SPATS2: variants seen among roughly 807,000 people sequenced by gnomAD.
SPATS2 encodes spermatogenesis associated serine rich 2.
Under a neutral mutation model 63.7 loss-of-function variants are expected in SPATS2, and 38 were observed. The ratio of observed to expected loss-of-function variants is 0.60; its 90% CI spans 0.46 to 0.78. The LOEUF (loss-of-function observed/expected upper bound fraction) is 0.78. Ranked by LOEUF, SPATS2 falls within the 30% of genes least tolerant of loss-of-function variation. The probability of loss-of-function intolerance (pLI) is 0.00; values close to 1 mark genes in which losing one functional copy is unlikely to be tolerated. For synonymous variants in SPATS2, 207 were observed against 232.9 expected (o/e 0.89, Z 1.01); for missense variants, 588 against 666.2 (o/e 0.88, Z 1.29).
intron 2 of SPATS2, among the ~76,000 whole-genome samples, chr12:49,429,603 G>T (rs1376720001): frequency 2.0e-5 from 3 of 151,508 alleles, no homozygotes; most frequent in Non-Finnish European, 4.4e-5. Flanking sequence ...GTGCCACCAC[G>T]TACCCAGCTA....
chr12:49,456,069 C>T (rs1205038536), intron 2 of SPATS2, among the ~76,000 whole-genome samples: 3 of 152,160 alleles, frequency 2.0e-5, no homozygotes, highest in East Asian at 1.9e-4. Flanking sequence ...TACTGCCTGC[C>T]TGTGGGTATG....
chr12:49,379,974 A>G (rs1161675469), intron 2 of SPATS2, among the ~76,000 whole-genome samples: 1 of 151,808 alleles, frequency 6.6e-6, no homozygotes, highest in African/African-American at 2.4e-5. Flanking sequence ...TTCATTAAAT[A>G]TTTACTCTTT....
chr12:49,421,789 C>T (rs1157790942), intron 2 of SPATS2, among the ~76,000 whole-genome samples: 2 of 152,108 alleles, frequency 1.3e-5, no homozygotes, highest in Admixed American at 1.3e-4. Flanking sequence ...TAGATACTTC[C>T]TCAGATTAGT....
chr12:49,442,568 T>G (rs1052003741), intron 2 of SPATS2: 3 of 157,022 alleles, frequency 1.9e-5, no homozygotes, highest in East Asian at 3.9e-4. Flanking sequence ...TGTGCTTTTT[T>G]GTCTGAAGAT....
chr12:49,422,053 C>T (rs1047223519), intron 2 of SPATS2, among the ~76,000 whole-genome samples: 1 of 152,172 alleles, frequency 6.6e-6, no homozygotes, highest in African/African-American at 2.4e-5. Flanking sequence ...GAGCAGAGGG[C>T]ACAGAGTTGG....
intron 2 of SPATS2, among the ~76,000 whole-genome samples, chr12:49,433,073 A>G (rs1592389791): frequency 2.0e-5 from 3 of 152,124 alleles, no homozygotes; most frequent in South Asian, 4.2e-4. Flanking sequence ...CTTTACTAAT[A>G]CTTATTTTAT....
At position 49,522,817 on chromosome 12, in the gene SPATS2, G is replaced by C; in HGVS notation, c.1075G>C (p.Glu359Gln). The part of the protein sequence containing the change: ...GRVARFTCDV[E>Q]TLKKSIDSFG... ...AGTAGCCCGGTTCACCTGTGATGTA[G>C]AGACCCTAAAGAAGAGCATTGATTC... is the stretch of plus-strand genomic sequence containing the variant. The change falls in exon 12 of 14, where the codon GAG (glutamate) becomes CAG (glutamine). Residue 359 changes from glutamate (E) to glutamine (Q), a missense_variant. Glu to Gln is a conservative substitution (Grantham distance 29). Coordinates refer to ENST00000552918, the MANE Select transcript of SPATS2 (RefSeq NM_023071.4). 6.2e-7 allele frequency: 1 copy of C among 1,613,752 alleles called. No individual in the cohort carries two copies. The highest frequency in any genetic ancestry group is 8.5e-7 in the Non-Finnish European group (1 of 1,179,758).
At chr12:49,367,840 TG>T (rs1046199095) in intron 1 of SPATS2, among the ~76,000 whole-genome samples, 4 of 132,868 alleles carry the variant, frequency 3.0e-5, no homozygotes, top group South Asian at 5.0e-4. Context: ...CAATGGAGTG[TG>T]GGGGGGACTC....
chr12:49,521,576 A>G (rs937773513), intron 11 of SPATS2, among the ~76,000 whole-genome samples: 4 of 151,976 alleles, frequency 2.6e-5, no homozygotes, highest in Non-Finnish European at 2.9e-5. Flanking sequence ...TCCTCTTCCC[A>G]CGTGGCTGAA....
At chr12:49,445,488 CATAT>C (rs371420495) in intron 2 of SPATS2, among the ~76,000 whole-genome samples, 1 of 150,020 alleles carries the variant, frequency 6.7e-6, no homozygotes, top group Admixed American at 6.7e-5. Flanking sequence ...ATTTGGCTTG[CATAT>C]ATATATATAT....
rs11834883 is a variant in SPATS2 at position 49,434,800 on chromosome 12, G to A, written c.-243-25970G>A. Among the ~76,000 whole-genome samples the A allele has an allele frequency of 7.5e-3, 1,141 of 152,194 alleles. 10 individuals are homozygous for A. The highest frequency in any genetic ancestry group is 0.026 in the African/African-American group (1,074 of 41,516). On this transcript the variant is annotated intron_variant, in intron 2 of 13. Coordinates refer to ENST00000552918, the MANE Select transcript of SPATS2 (RefSeq NM_023071.4). ...CCTAGCTCAGTGGGTACTAATCCCA[G>A]ACTGACAGTTTCAAATCTTGTTTTA...
At chr12:49,400,968 G>A (rs1944595050) in intron 2 of SPATS2, among the ~76,000 whole-genome samples, 1 of 152,062 alleles carries the variant, frequency 6.6e-6, no homozygotes. Context: ...AACCTCCCAG[G>A]CTCAAGTGAT....
chr12:49,458,783 T>C (rs1175548990), intron 2 of SPATS2, among the ~76,000 whole-genome samples: 5 of 151,936 alleles, frequency 3.3e-5, no homozygotes, highest in Non-Finnish European at 4.4e-5. Context: ...CAGGAACTTA[T>C]GCTTTCTTTA....
At chr12:49,465,535 A>G (rs11610835) in intron 3 of SPATS2, among the ~76,000 whole-genome samples, 8,249 of 152,176 alleles carry the variant, frequency 0.054, 321 homozygotes, top group Non-Finnish European at 0.077. Context: ...ATCCATTTAA[A>G]AGTTTTGGAG....
intron 2 of SPATS2, among the ~76,000 whole-genome samples, chr12:49,408,836 T>G (rs113750092): frequency 0.092 from 14,027 of 152,144 alleles, 757 homozygotes; most frequent in African/African-American, 0.14. Flanking sequence ...GATTACAGGT[T>G]TGAGCCACCG....
chr12:49,482,634 G>A (rs1311467547), intron 3 of SPATS2, among the ~76,000 whole-genome samples: 1 of 152,138 alleles, frequency 6.6e-6, no homozygotes, highest in African/African-American at 2.4e-5. Flanking sequence ...TATTAAGATT[G>A]CCCAATTTGA....
At chr12:49,394,248 G>A (rs1486404539) in intron 2 of SPATS2, among the ~76,000 whole-genome samples, 2 of 151,576 alleles carry the variant, frequency 1.3e-5, no homozygotes, top group Non-Finnish European at 2.9e-5. Flanking sequence ...TGAGGTGGGA[G>A]GGATCCCTTG....
rs1435889507 is a variant in SPATS2, at chr12:49,388,072, A to C, written c.-244+16782A>C. On this transcript the variant is annotated intron_variant, in intron 2 of 13. Transcript: ENST00000552918. ...GCTGGAACTACAGGCGTGCACCACT[A>C]TGCCTGGCTTTTTCACTTTAAGTCT... Among the ~76,000 whole-genome samples the C allele has an allele frequency of 2.0e-5, 3 of 152,070 alleles. No homozygotes were observed. The East Asian group carries it at 5.8e-4, about 29-fold the overall frequency.
intron 2 of SPATS2, among the ~76,000 whole-genome samples, chr12:49,430,628 T>C (rs1201131526): frequency 1.3e-5 from 2 of 152,148 alleles, no homozygotes. Context: ...ATTGGGTTTC[T>C]GAGTTAGAAT....
Sources: gnomAD v4.1 joint callset for allele counts (sites outside exome capture counted in the v4.1 genomes callset) on GRCh38, gnomAD v4.1.1 for gene constraint, MANE v1.5 for transcripts, NCBI Gene and HGNC (gene_info 2026-07-23, HGNC 2026-07-21) for gene names.